Variants in FBXO36 observed in about 807,000 individuals in gnomAD.
The protein encoded by FBXO36 is F-box only protein 36.
A neutral mutation model predicts 17.0 loss-of-function variants in FBXO36; 18 were observed. The ratio of observed to expected loss-of-function variants is 1.06; its 90% CI spans 0.73 to 1.57. The LOEUF is 1.57. Among genes scored for constraint, FBXO36 ranks in the 40% most tolerant of loss-of-function variants. FBXO36 has a pLI of 0.00. For synonymous variants in FBXO36, 83 were observed against 85.3 expected (o/e 0.97, Z 0.15); for missense variants, 229 against 221.9 (o/e 1.03, Z -0.20).
intron 1 of FBXO36, among the ~76,000 whole-genome samples, chr2:229,933,769 C>G (rs1045320435): frequency 1.3e-5 from 2 of 152,070 alleles, no homozygotes; most frequent in Non-Finnish European, 2.9e-5. Context: ...CACTGCAACC[C>G]ACACTTCCCG....
chr2:229,976,086 C>T (rs1438516415), intron 1 of FBXO36, among the ~76,000 whole-genome samples, 155 bp from the exon 2 acceptor site: 1 of 152,112 alleles, frequency 6.6e-6, no homozygotes, highest in African/African-American at 2.4e-5. Flanking sequence ...TCTTTGATGC[C>T]CAGAGGTTAA....
intron 1 of FBXO36, chr2:229,937,818 C>G (rs2106158883): frequency 6.6e-6 from 1 of 152,264 alleles, no homozygotes. Flanking sequence ...TCTCTTCTTG[C>G]TCAGGGGCCA....
At chr2:229,938,905 ACCCGCCATCATGC>A (rs1455927471) in intron 1 of FBXO36, among the ~76,000 whole-genome samples, 16 of 145,808 alleles carry the variant, frequency 1.1e-4, no homozygotes, top group South Asian at 4.3e-4. Flanking sequence ...GATTACAGGC[ACCCGCCATCATGC>A]CCCGCCACCA....
chr2:229,934,483 A>G (rs961197338), intron 1 of FBXO36, among the ~76,000 whole-genome samples: 1 of 152,120 alleles, frequency 6.6e-6, no homozygotes, highest in African/African-American at 2.4e-5. Flanking sequence ...AGCTTTTCCT[A>G]CGACCACAGC....
chr2:229,951,076 G>T (rs2077055094), intron 1 of FBXO36, among the ~76,000 whole-genome samples: 1 of 151,518 alleles, frequency 6.6e-6, no homozygotes, highest in Non-Finnish European at 1.5e-5. Context: ...TGAGACTACA[G>T]GTGTGTGCCA....
At chr2:229,941,932 C>T (rs981667545) in intron 1 of FBXO36, among the ~76,000 whole-genome samples, 1 of 152,048 alleles carries the variant, frequency 6.6e-6, no homozygotes, top group East Asian at 1.9e-4. Flanking sequence ...AGGAGAATTG[C>T]TTGAACCCAG....
chr2:229,989,809 G>A (rs191244617), intron 2 of FBXO36, among the ~76,000 whole-genome samples: 4 of 148,624 alleles, frequency 2.7e-5, no homozygotes, highest in South Asian at 2.1e-4. Context: ...TTCTGACCTC[G>A]TGATCCACCC....
chr2:229,928,829 C>G (rs943319993), intron 1 of FBXO36, among the ~76,000 whole-genome samples: 4 of 152,082 alleles, frequency 2.6e-5, no homozygotes, highest in African/African-American at 9.7e-5. Context: ...GTGGTGCAGT[C>G]AGCTCACTGC....
intron 2 of FBXO36, among the ~76,000 whole-genome samples, chr2:229,996,446 A>T (rs182211960): frequency 5.3e-5 from 8 of 152,214 alleles, no homozygotes; most frequent in African/African-American, 1.9e-4. Context: ...GCCAAGACCA[A>T]TTACGTTAGT....
intron 1 of FBXO36, among the ~76,000 whole-genome samples, chr2:229,956,281 C>G (rs975130060): frequency 6.6e-6 from 1 of 152,230 alleles, no homozygotes; most frequent in Admixed American, 6.5e-5. Flanking sequence ...AGATGGCTGA[C>G]TTCTTGCTGT....
chr2:230,002,364 T>C (rs367585513), intron 3 of FBXO36, among the ~76,000 whole-genome samples: 4 of 151,914 alleles, frequency 2.6e-5, no homozygotes, highest in African/African-American at 7.2e-5. Flanking sequence ...TTCTCTGTTT[T>C]TTCCCCCCCG....
chr2:229,976,302 A>G lies in FBXO36; in HGVS notation c.158A>G (p.Glu53Gly), dbSNP rs2077207953. Residue 53 changes from glutamate to glycine, a missense_variant, in exon 2 of 4, where the codon GAA becomes GGA. Glu to Gly is a moderately conservative substitution (Grantham distance 98). Transcript: ENST00000283946. ...GAGTATCGATCAACAAAACCTGGAG[A>G]AGCAAAAGAAACCCATGAAGACTTC... ...RSEYRSTKPG[E>G]AKETHEDFLE... The G allele has an allele frequency of 6.2e-7, 1 of 1,613,736 alleles. No homozygotes were observed.
chr2:229,982,778 CAAAAAAAAAAA>C (rs58999886), intron 2 of FBXO36, among the ~76,000 whole-genome samples: 1 of 78,758 alleles, frequency 1.3e-5, no homozygotes, highest in African/African-American at 4.8e-5. Flanking sequence ...GAGCTTGTCT[CAAAAAAAAAAA>C]AAAAAAAAAA....
At chr2:229,998,601 A>T (rs1226396267) in intron 3 of FBXO36, among the ~76,000 whole-genome samples, 1 of 151,480 alleles carries the variant, frequency 6.6e-6, no homozygotes, top group Non-Finnish European at 1.5e-5. Flanking sequence ...CAGCCTGGGC[A>T]ACAAGAGCGA....
chr2:229,953,167 A>G (rs957667804), intron 1 of FBXO36, among the ~76,000 whole-genome samples: 5 of 151,924 alleles, frequency 3.3e-5, no homozygotes, highest in African/African-American at 7.2e-5. Context: ...GCAAAACCCA[A>G]CCTCTACTAA....
At chr2:229,964,188 T>C (rs1286432954) in intron 1 of FBXO36, among the ~76,000 whole-genome samples, 1 of 152,214 alleles carries the variant, frequency 6.6e-6, no homozygotes, top group Non-Finnish European at 1.5e-5. Context: ...TTTGTTTTGA[T>C]GGTTTTTGTT....
chr2:229,988,086 A>G (rs919493741), intron 2 of FBXO36, among the ~76,000 whole-genome samples: 2 of 151,994 alleles, frequency 1.3e-5, no homozygotes, highest in South Asian at 2.1e-4. Flanking sequence ...TTCTTCTTTG[A>G]CCCTTAGATT....
At chr2:230,005,692 G>A (rs115000297) in intron 3 of FBXO36, among the ~76,000 whole-genome samples, 1 of 152,198 alleles carries the variant, frequency 6.6e-6, no homozygotes, top group East Asian at 1.9e-4. Context: ...ATTTGAGATG[G>A]AGTCTCACTC....
chr2:229,996,645 C>T (rs1466950727), intron 2 of FBXO36, 106 bp from the exon 3 acceptor site: 5 of 1,218,112 alleles, frequency 4.1e-6, no homozygotes, highest in East Asian at 2.4e-5. Context: ...CATCATCTAA[C>T]GTCACTCCCA....
Sources: gnomAD v4.1 joint callset for allele counts (sites outside exome capture counted in the v4.1 genomes callset) on GRCh38, gnomAD v4.1.1 for gene constraint, MANE v1.5 for transcripts, NCBI Gene and HGNC (gene_info 2026-07-23, HGNC 2026-07-21) for gene names.